The following MINPP1 variants were observed in gnomAD, a reference collection of about 807,000 sequenced individuals.
MINPP1 encodes multiple inositol-polyphosphate phosphatase 1.
MINPP1 carries 28 observed loss-of-function variants against 46.1 expected under a neutral mutation model. The ratio of observed to expected loss-of-function variants is 0.61; its 90% confidence interval spans 0.45 to 0.83. The LOEUF (loss-of-function observed/expected upper bound fraction) is 0.83, where lower values mean the gene tolerates loss of function less well. MINPP1 is among the 40% of genes least tolerant of loss of function. The probability of loss-of-function intolerance (pLI) is 0.00; values close to 1 mark genes in which losing one functional copy is unlikely to be tolerated. For synonymous variants in MINPP1, 268 were observed against 249.1 expected, an observed-to-expected ratio of 1.08 and a Z score of -0.72; for missense variants, 603 against 610.0, an observed-to-expected ratio of 0.99 and a Z score of 0.12.
intron 3 of MINPP1, among the ~76,000 whole-genome samples, chr10:87,519,536 TAATA>T (rs1170854341): frequency 6.6e-6 from 1 of 152,112 alleles, no homozygotes; most frequent in Non-Finnish European, 1.5e-5. Context: ...TTTTCTTCAT[TAATA>T]AATATCTACA....
chr10:87,534,715 A>G (rs1156261821), intron 4 of MINPP1, among the ~76,000 whole-genome samples: 1 of 152,192 alleles, frequency 6.6e-6, no homozygotes, highest in Non-Finnish European at 1.5e-5. Flanking sequence ...GAAACCTCAC[A>G]CACACAAAAC....
chr10:87,530,711 C>T (rs953995491), intron 4 of MINPP1, among the ~76,000 whole-genome samples: 2 of 152,290 alleles, frequency 1.3e-5, no homozygotes, highest in African/African-American at 4.8e-5. Context: ...GCTGGGAGAA[C>T]CAGTACTCTC....
chr10:87,507,831 G>T (rs992770035), intron 1 of MINPP1: 4 of 1,034,138 alleles, frequency 3.9e-6, no homozygotes, highest in Non-Finnish European at 4.6e-6. Context: ...CAAAACATCA[G>T]TGCGTTTTGT....
intron 2 of MINPP1, 130 bp from the exon 3 acceptor site, chr10:87,512,994 T>C: frequency 1.4e-6 from 1 of 722,322 alleles, no homozygotes; most frequent in South Asian, 1.6e-5. Flanking sequence ...AGAAACTAAA[T>C]TATTTCTTCC....
At chr10:87,544,446 G>T (rs1262533178) in intron 4 of MINPP1, among the ~76,000 whole-genome samples, 1 of 152,118 alleles carries the variant, frequency 6.6e-6, no homozygotes, top group Non-Finnish European at 1.5e-5. Context: ...GGCCATTGGT[G>T]ATCAACTTGA....
intron 4 of MINPP1, among the ~76,000 whole-genome samples, chr10:87,526,945 G>A (rs527989689): frequency 1.3e-5 from 2 of 152,270 alleles, no homozygotes; most frequent in East Asian, 3.9e-4. Context: ...TTTGGTTACT[G>A]TAGACTTGTA....
intron 4 of MINPP1, among the ~76,000 whole-genome samples, chr10:87,542,317 C>CTT (rs34500466): frequency 6.1e-5 from 9 of 148,692 alleles, no homozygotes; most frequent in African/African-American, 9.9e-5. Flanking sequence ...CTCTCTCTCT[C>CTT]TTTTTTTTTT....
Position 87,504,897 on chromosome 10 carries a change from T to C in MINPP1, c.-19T>C, listed in dbSNP as rs376682009. ...GGCATCTGCAGCTGGCTCGGCGCAC[T>C]CCACTGACCGTCCCGACGATGCTAC... On this transcript the variant is annotated 5_prime_UTR_variant, in exon 1 of 5. Transcript: ENST00000371996. The C allele has an allele frequency of 1.1e-5, 17 of 1,607,224 alleles. No individual in the cohort carries two copies. The African/African-American group carries it at 2.1e-4, about 20-fold the overall frequency.
chr10:87,551,742 A>C (rs1479025372), intron 4 of MINPP1, among the ~76,000 whole-genome samples: 6 of 152,208 alleles, frequency 3.9e-5, no homozygotes, highest in Non-Finnish European at 8.8e-5. Flanking sequence ...TTTTATGCAC[A>C]GAAAGGCAAT....
intron 4 of MINPP1, among the ~76,000 whole-genome samples, chr10:87,548,903 AAGTT>A (rs1040116283): frequency 1.3e-5 from 2 of 152,206 alleles, no homozygotes; most frequent in African/African-American, 2.4e-5. Flanking sequence ...ACTTTATAAA[AAGTT>A]AGCACTTTTC....
In MINPP1 at chr10:87,552,633, A is replaced by G; in HGVS notation, c.*155A>G. The G allele has an allele frequency of 2.7e-6, 2 of 744,838 alleles. No individual in the cohort carries two copies. Among genetic ancestry groups the G allele is most frequent in the Non-Finnish European group, 2.1e-6 (1 of 466,198 alleles). The allele number at this position is 744,838 out of a possible 1,614,324, so 46.1% of individuals were successfully genotyped here. A position where few individuals can be genotyped will look rare whatever the true frequency, so the allele number is the denominator to read the frequency against. On this transcript the variant is annotated 3_prime_UTR_variant, in exon 5 of 5. Transcript: ENST00000371996. ...ACATTGGGTTTCTCTCTGGGTTTGG[A>G]CATGAAATGTAAGAAAAGATTTTTC...
chr10:87,531,607 A>G (rs900963675), intron 4 of MINPP1, among the ~76,000 whole-genome samples: 7 of 152,142 alleles, frequency 4.6e-5, no homozygotes, highest in African/African-American at 7.2e-5. Flanking sequence ...GGAAAAGAGG[A>G]ATGAAGAATG....
At chr10:87,511,184 CTT>C (rs1028381709) in intron 2 of MINPP1, among the ~76,000 whole-genome samples, 1 of 152,042 alleles carries the variant, frequency 6.6e-6, no homozygotes, top group African/African-American at 2.4e-5. Flanking sequence ...TTAATTATAT[CTT>C]TTAATTCTGC....
At chr10:87,507,548 C>T (rs963429968) in intron 1 of MINPP1, among the ~76,000 whole-genome samples, 2 of 151,962 alleles carry the variant, frequency 1.3e-5, no homozygotes, top group East Asian at 3.9e-4. Flanking sequence ...TCAATTTTCT[C>T]ATATTTTATG....
intron 4 of MINPP1, among the ~76,000 whole-genome samples, chr10:87,549,802 A>G (rs1375395999): frequency 6.6e-6 from 1 of 152,182 alleles, no homozygotes; most frequent in East Asian, 1.9e-4. Context: ...TGAAAGTTGA[A>G]TTTAGGATTG....
chr10:87,544,088 C>A (rs925078111), intron 4 of MINPP1, among the ~76,000 whole-genome samples: 1 of 152,180 alleles, frequency 6.6e-6, no homozygotes, highest in African/African-American at 2.4e-5. Flanking sequence ...CAAGATTGCC[C>A]CCTGCCCTTT....
rs189828525 is a variant in MINPP1, at chr10:87,526,883, C to G, written c.1067+5714C>G. Among the ~76,000 whole-genome samples, 1,482 of 152,270 alleles carry G rather than the reference C, an allele frequency of 9.7e-3. 24 individuals are homozygous for G. Among genetic ancestry groups the G allele is most frequent in the African/African-American group, 0.034 (1,397 of 41,552 alleles). ...ATGTGTGGTATTATTTCTGAGGGCT[C>G]TGTTCTGTTCCATTGGTCTATATCT... On this transcript the variant is annotated intron_variant, in intron 4 of 4. Coordinates refer to ENST00000371996, the MANE Select transcript of MINPP1 (RefSeq NM_004897.5).
intron 4 of MINPP1, among the ~76,000 whole-genome samples, chr10:87,538,997 A>G (rs533668336): frequency 6.6e-6 from 1 of 152,172 alleles, no homozygotes; most frequent in Non-Finnish European, 1.5e-5. Flanking sequence ...AACCCTCATT[A>G]AAAGACAGGA....
Position 87,537,511 on chromosome 10 carries a change from T to TCTGTGTGTGTGTG in MINPP1, c.1068-14571_1068-14570insCTGTGTGTGTGTG, listed in dbSNP as rs113605763. On this transcript the variant is annotated intron_variant, in intron 4 of 4. Coordinates refer to ENST00000371996, the MANE Select transcript of MINPP1 (RefSeq NM_004897.5). ...TTAATTGGGTTATCTTTATTACTGT[T>TCTGTGTGTGTGTG]TGTGTGTGTGTGTGTGTGTGTGTGT... Among the ~76,000 whole-genome samples the TCTGTGTGTGTGTG allele has an allele frequency of 5.3e-3, 454 of 85,164 alleles. 5 individuals are homozygous for TCTGTGTGTGTGTG. Among genetic ancestry groups the TCTGTGTGTGTGTG allele is most frequent in the African/African-American group, 0.012 (393 of 32,620 alleles). The allele number at this position is 85,164 out of a possible 152,430, so 55.9% of individuals were successfully genotyped here.
Sources: gnomAD v4.1 joint callset for allele counts (sites outside exome capture counted in the v4.1 genomes callset) on GRCh38, gnomAD v4.1.1 for gene constraint, MANE v1.5 for transcripts, NCBI Gene and HGNC (gene_info 2026-07-23, HGNC 2026-07-21) for gene names.